Variants in SLC35F1 observed in about 807,000 individuals in gnomAD.
SLC35F1 encodes solute carrier family 35 member F1.
A neutral mutation model predicts 48.7 loss-of-function variants in SLC35F1; 14 were observed. The observed-to-expected ratio is 0.29, with a 90% CI of 0.19 to 0.45. The LOEUF (loss-of-function observed/expected upper bound fraction) is 0.45, where lower values mean the gene tolerates loss of function less well. SLC35F1 is among the 20% of genes least tolerant of loss of function. SLC35F1 has a pLI of 1.00. For synonymous variants in SLC35F1, 190 were observed against 202.2 expected, an observed-to-expected ratio of 0.94 and a Z score of 0.51; for missense variants, 404 against 500.0, an observed-to-expected ratio of 0.81 and a Z score of 1.83.
chr6:118,044,733 A>C lies in SLC35F1; in HGVS notation c.174-109712A>C, dbSNP rs76062801. 1.6e-4 allele frequency among the ~76,000 whole-genome samples: 23 copies of C among 147,994 alleles called. No individual in the cohort carries two copies. The East Asian group carries it at 4.1e-3, about 26-fold the overall frequency. On this transcript the variant is annotated intron_variant, in intron 1 of 7. Coordinates refer to ENST00000360388, the MANE Select transcript of SLC35F1 (RefSeq NM_001029858.4). ...AATGACATAGTCTATAGCTGCACCT[A>C]CAAAATCTTCTTTCTCCTCCTGTCC...
intron 3 of SLC35F1, among the ~76,000 whole-genome samples, chr6:118,259,856 A>G (rs1775690487): frequency 6.6e-6 from 1 of 152,156 alleles, no homozygotes; most frequent in Non-Finnish European, 1.5e-5. Context: ...ATGACCTGGC[A>G]GGGCCACTTC....
At chr6:118,101,373 G>A (rs1773256149) in intron 1 of SLC35F1, among the ~76,000 whole-genome samples, 1 of 152,166 alleles carries the variant, frequency 6.6e-6, no homozygotes, top group African/African-American at 2.4e-5. Flanking sequence ...TGAATTGAAG[G>A]CCACAGAACT....
chr6:118,049,780 A>G (rs1330667464), intron 1 of SLC35F1, among the ~76,000 whole-genome samples: 9 of 151,664 alleles, frequency 5.9e-5, no homozygotes, highest in African/African-American at 9.7e-5. Flanking sequence ...CTGTAAACTA[A>G]TTCAACCATT....
At chr6:118,279,429 G>A (rs77295944) in intron 6 of SLC35F1, among the ~76,000 whole-genome samples, 1 of 152,162 alleles carries the variant, frequency 6.6e-6, no homozygotes, top group South Asian at 2.1e-4. Flanking sequence ...CCTACTGCAA[G>A]GTTGTGTTGT....
At position 118,314,695 on chromosome 6, in the gene SLC35F1, T is replaced by A; in HGVS notation, c.*443T>A. The A allele has an allele frequency of 5.1e-6, 1 of 195,972 alleles. No homozygotes were observed. The highest frequency in any genetic ancestry group is 1.1e-4 in the East Asian group (1 of 9,044). The allele number at this position is 195,972 out of a possible 1,614,324, so 12.1% of individuals were successfully genotyped here. ...TTCACTTTTTAAGAGTCATACTTTA[T>A]TTTTTTGCACAGACTATATGAGTGA... is the stretch of plus-strand genomic sequence containing the variant. On this transcript the variant is annotated 3_prime_UTR_variant, in exon 8 of 8. Transcript: ENST00000360388.
At chr6:118,039,449 T>G (rs1772179857) in intron 1 of SLC35F1, among the ~76,000 whole-genome samples, 1 of 152,006 alleles carries the variant, frequency 6.6e-6, no homozygotes, top group Admixed American at 6.6e-5. Flanking sequence ...TTTTTCTATT[T>G]CAATATCTTT....
At chr6:117,976,307 G>A (rs112374971) in intron 1 of SLC35F1, among the ~76,000 whole-genome samples, 1 of 152,120 alleles carries the variant, frequency 6.6e-6, no homozygotes, top group Non-Finnish European at 1.5e-5. Context: ...AAGGTAAACC[G>A]GAGAAACCCT....
intron 1 of SLC35F1, among the ~76,000 whole-genome samples, chr6:117,922,947 G>C (rs1306807983): frequency 3.3e-5 from 5 of 152,154 alleles, no homozygotes; most frequent in Non-Finnish European, 7.3e-5. Flanking sequence ...GAACACATAA[G>C]CATGGAGAGC....
At chr6:117,958,408 C>T (rs1260203109) in intron 1 of SLC35F1, among the ~76,000 whole-genome samples, 2 of 152,108 alleles carry the variant, frequency 1.3e-5, no homozygotes, top group Non-Finnish European at 2.9e-5. Context: ...ATAATGATAT[C>T]CTAGACCTTC....
At position 117,952,509 on chromosome 6, in the gene SLC35F1, G is replaced by A. The variant is rs114247372; in HGVS notation, c.173+44610G>A. 3.0e-3 allele frequency among the ~76,000 whole-genome samples: 457 copies of A among 152,218 alleles called. 2 individuals are homozygous for A. The highest frequency in any genetic ancestry group is 0.01 in the African/African-American group (432 of 41,528). ...TCTTAAATCACCTGACATTAACTTG[G>A]CTTGATTAATCCCTTCTTGTTCCTC... On this transcript the variant is annotated intron_variant, in intron 1 of 7. Transcript: ENST00000360388.
intron 2 of SLC35F1, among the ~76,000 whole-genome samples, chr6:118,220,391 G>T (rs986579144): frequency 7.2e-5 from 11 of 152,018 alleles, no homozygotes; most frequent in Non-Finnish European, 1.3e-4. Context: ...CTTCCCCTGG[G>T]CTCTGAGCAA....
At chr6:118,096,478 G>A (rs181089079) in intron 1 of SLC35F1, among the ~76,000 whole-genome samples, 8 of 152,256 alleles carry the variant, frequency 5.3e-5, no homozygotes, top group South Asian at 4.2e-4. Context: ...AGTTCTCTTG[G>A]CTGAGTTTCT....
At chr6:118,100,003 C>A (rs976559566) in intron 1 of SLC35F1, among the ~76,000 whole-genome samples, 2 of 151,846 alleles carry the variant, frequency 1.3e-5, no homozygotes, top group Admixed American at 1.3e-4. Context: ...ATTTATGAAC[C>A]CTTGAGAGCA....
In SLC35F1 at chr6:117,924,437, CAT is replaced by C. The variant is rs944277519; in HGVS notation, c.173+16544_173+16545del. Among the ~76,000 whole-genome samples the C allele has an allele frequency of 8.3e-5, 9 of 108,820 alleles. 1 individual carries two copies. In the South Asian group the frequency reaches 9.5e-4, roughly 11 times the overall value. 71.4% of individuals were successfully genotyped at this position (108,820 alleles called of 152,430 possible). On this transcript the variant is annotated intron_variant, in intron 1 of 7. Transcript: ENST00000360388. Reference sequence around the variant, plus strand: ...TGTATATATACACATACGCATAACACATATATACACATACCTATATGTGTGTA... The same window carrying C: ...TGTATATATACACATACGCATAACACATATACACATACCTATATGTGTGTA...
At chr6:118,089,102 A>AC (rs1773034773) in intron 1 of SLC35F1, among the ~76,000 whole-genome samples, 1 of 152,206 alleles carries the variant, frequency 6.6e-6, no homozygotes, top group Non-Finnish European at 1.5e-5. Context: ...TGGAGATAGA[A>AC]TTGATGGATC....
chr6:117,983,744 G>A (rs1182616587), intron 1 of SLC35F1, among the ~76,000 whole-genome samples: 1 of 152,134 alleles, frequency 6.6e-6, no homozygotes, highest in Non-Finnish European at 1.5e-5. Flanking sequence ...CCCATTTGTG[G>A]TACAGCTGAA....
At chr6:117,923,731 G>GTA (rs1412504304) in intron 1 of SLC35F1, among the ~76,000 whole-genome samples, 4,701 of 69,980 alleles carry the variant, frequency 0.067, 1,599 homozygotes, top group Non-Finnish European at 0.1. Flanking sequence ...ATATACATAT[G>GTA]TATATATACA....
chr6:118,180,215 C>T (rs1015851876), intron 2 of SLC35F1, among the ~76,000 whole-genome samples: 1 of 151,928 alleles, frequency 6.6e-6, no homozygotes, highest in African/African-American at 2.4e-5. Context: ...TGGTAGTTTC[C>T]CTAGGTGTTT....
chr6:118,175,801 G>A (rs1378712413), intron 2 of SLC35F1, among the ~76,000 whole-genome samples: 1 of 152,130 alleles, frequency 6.6e-6, no homozygotes, highest in Non-Finnish European at 1.5e-5. Context: ...AGGAGGCTTA[G>A]TTTGACCAGG....
Sources: allele counts gnomAD v4.1 joint callset (sites outside exome capture counted in the v4.1 genomes callset), GRCh38; gene constraint gnomAD v4.1.1; transcripts MANE v1.5; gene names NCBI Gene and HGNC (gene_info 2026-07-23, HGNC 2026-07-21).